The following MAGI1 variants were observed in gnomAD, a reference collection of about 807,000 sequenced individuals.
MAGI1 encodes the protein membrane-associated guanylate kinase, WW and PDZ domain-containing protein 1.
In MAGI1, 58 loss-of-function variants were observed where a neutral mutation model predicts 139.9. That is an observed-to-expected ratio of 0.41 (90% CI 0.34 to 0.52). MAGI1 has a LOEUF of 0.52. MAGI1 is among the 20% of genes least tolerant of loss of function. MAGI1 has a pLI of 0.12. For synonymous variants in MAGI1, 812 were observed against 737.9 expected (o/e 1.10, Z -1.63); for missense variants, 1,874 against 1,901.6 (o/e 0.99, Z 0.27).
intron 1 of MAGI1, among the ~76,000 whole-genome samples, chr3:65,852,193 G>C (rs77700841): frequency 0.085 from 12,942 of 152,134 alleles, 1,404 homozygotes; most frequent in African/African-American, 0.25. Flanking sequence ...CCTATCATAA[G>C]GAAGAAATCC....
intron 1 of MAGI1, among the ~76,000 whole-genome samples, chr3:65,675,541 C>A (rs549978540): frequency 6.6e-6 from 1 of 152,072 alleles, no homozygotes; most frequent in South Asian, 2.1e-4. Flanking sequence ...ATTCACAAAA[C>A]GGGGCAGCAC....
chr3:65,673,501 T>C (rs1050303599), intron 1 of MAGI1, among the ~76,000 whole-genome samples: 1 of 152,224 alleles, frequency 6.6e-6, no homozygotes, highest in Admixed American at 6.5e-5. Context: ...TGGGGCATAT[T>C]ACCTTGGATA....
rs1943082678 is a variant in MAGI1 at position 65,381,857 on chromosome 3, G to A, written c.2701+20C>T. 1 of 1,591,946 alleles carries A rather than the reference G, an allele frequency of 6.3e-7. No individual in the cohort carries two copies. The highest frequency in any genetic ancestry group is 1.3e-5 in the African/African-American group (1 of 74,558). On this transcript the variant is annotated intron_variant, in intron 16 of 22. Transcript: ENST00000402939. ...ATAAAGTGACAACGCACTGTCTGAAGGAATGAATGAAATACATACCCGCAA... is the reference window on the plus strand; with the variant it reads ...ATAAAGTGACAACGCACTGTCTGAAAGAATGAATGAAATACATACCCGCAA...
chr3:65,963,365 C>T (rs2064558742), intron 1 of MAGI1, among the ~76,000 whole-genome samples: 1 of 150,100 alleles, frequency 6.7e-6, no homozygotes, highest in African/African-American at 2.5e-5. Context: ...CGCCTGTAAT[C>T]CCACCACTTT....
intron 6 of MAGI1, chr3:65,452,980 G>C (rs938424270): frequency 9.1e-6 from 3 of 330,042 alleles, no homozygotes; most frequent in African/African-American, 6.2e-5. Flanking sequence ...CTAAGTTCCT[G>C]AAGACAGAGG....
At chr3:65,393,521 G>A (rs1276741717) in intron 13 of MAGI1, among the ~76,000 whole-genome samples, 2 of 152,052 alleles carry the variant, frequency 1.3e-5, no homozygotes, top group Non-Finnish European at 2.9e-5. Flanking sequence ...AGAATTAACG[G>A]GAACTGCTAC....
At chr3:65,494,500 T>C (rs565523460) in intron 2 of MAGI1, among the ~76,000 whole-genome samples, 60 of 152,274 alleles carry the variant, frequency 3.9e-4, no homozygotes, top group African/African-American at 1.4e-3. Flanking sequence ...ACAGCAATTA[T>C]GTACCCTGTA....
intron 6 of MAGI1, among the ~76,000 whole-genome samples, chr3:65,449,501 G>A (rs779628422): frequency 7.0e-4 from 106 of 152,254 alleles, no homozygotes; most frequent in Non-Finnish European, 1.4e-3. Flanking sequence ...GGGGCCAGGC[G>A]TGGTGTCTCA....
chr3:65,474,036 A>T (rs1232968521), intron 4 of MAGI1, among the ~76,000 whole-genome samples: 4 of 152,186 alleles, frequency 2.6e-5, no homozygotes, highest in African/African-American at 9.6e-5. Flanking sequence ...GAGGCTGAGG[A>T]AGGAGGAGTG....
chr3:65,707,882 G>A (rs759682625), intron 1 of MAGI1, among the ~76,000 whole-genome samples: 14 of 152,050 alleles, frequency 9.2e-5, no homozygotes, highest in South Asian at 2.1e-4. Context: ...TTAGGAGGTC[G>A]CTAAAAATCC....
chr3:65,470,643 G>A (rs552651454), intron 4 of MAGI1, among the ~76,000 whole-genome samples, 159 bp from the exon 5 acceptor site: 1 of 152,094 alleles, frequency 6.6e-6, no homozygotes, highest in Admixed American at 6.5e-5. Flanking sequence ...CTATTACTTC[G>A]ATTTCATTTA....
intron 1 of MAGI1, among the ~76,000 whole-genome samples, chr3:65,818,056 G>GTGTT (rs2041720580): frequency 6.6e-6 from 1 of 151,926 alleles, no homozygotes; most frequent in Non-Finnish European, 1.5e-5. Flanking sequence ...GTGTGTGTGT[G>GTGTT]TGTGTGTGTG....
chr3:65,713,367 G>A (rs769507226), intron 1 of MAGI1, among the ~76,000 whole-genome samples: 1 of 152,094 alleles, frequency 6.6e-6, no homozygotes, highest in Non-Finnish European at 1.5e-5. Flanking sequence ...TTGTATTTGA[G>A]TAAAAATGGT....
rs972417164 is a variant in MAGI1 at position 65,581,747 on chromosome 3, T to C, written c.430+40225A>G. Among the ~76,000 whole-genome samples the C allele has an allele frequency of 2.6e-4, 40 of 152,194 alleles. 1 individual carries two copies. The highest frequency in any genetic ancestry group is 5.9e-5 in the Non-Finnish European group (4 of 68,040). The stretch of plus-strand genomic sequence containing the variant: ...ACCCAATACCCCTTACCTTGCTCTA[T>C]TTTTCCTTTTCCATTCACAGGCATT... On this transcript the variant is annotated intron_variant, in intron 2 of 22. Coordinates refer to ENST00000402939, the MANE Select transcript of MAGI1 (RefSeq NM_001033057.2).
chr3:65,497,969 G>T (rs1032690218), intron 2 of MAGI1, among the ~76,000 whole-genome samples: 2 of 152,176 alleles, frequency 1.3e-5, no homozygotes, highest in Admixed American at 1.3e-4. Context: ...CAGGCTAGCA[G>T]GAGGTTTCCC....
chr3:66,035,108 T>C (rs554054068), intron 1 of MAGI1, among the ~76,000 whole-genome samples: 2 of 152,342 alleles, frequency 1.3e-5, no homozygotes, highest in African/African-American at 2.4e-5. Flanking sequence ...TATGACAAAG[T>C]ACTGTCTTCC....
At chr3:65,614,420 A>C (rs2106970397) in intron 2 of MAGI1, among the ~76,000 whole-genome samples, 1 of 152,296 alleles carries the variant, frequency 6.6e-6, no homozygotes, top group African/African-American at 2.4e-5. Context: ...GCCTCTATAA[A>C]TCTAATTTTC....
chr3:65,921,720 C>CA (rs1040690078), intron 1 of MAGI1, among the ~76,000 whole-genome samples: 3 of 152,112 alleles, frequency 2.0e-5, no homozygotes, highest in African/African-American at 4.8e-5. Flanking sequence ...GGTCATTCCA[C>CA]AAAATCAATC....
chr3:65,717,721 T>A (rs1002081645), intron 1 of MAGI1, among the ~76,000 whole-genome samples: 2 of 152,200 alleles, frequency 1.3e-5, no homozygotes, highest in African/African-American at 4.8e-5. Context: ...GAATCACTTC[T>A]TAGATAGGTC....
Sources: allele counts gnomAD v4.1 joint callset (sites outside exome capture counted in the v4.1 genomes callset), GRCh38; gene constraint gnomAD v4.1.1; transcripts MANE v1.5; gene names NCBI Gene and HGNC (gene_info 2026-07-23, HGNC 2026-07-21).